Variants in GAB2 observed in about 807,000 individuals in gnomAD.
The protein encoded by GAB2 is GRB2-associated-binding protein 2.
A neutral mutation model predicts 65.5 loss-of-function variants in GAB2; 26 were observed. That is an observed-to-expected ratio of 0.40 (90% confidence interval 0.29 to 0.55). GAB2 has a LOEUF of 0.55. Ranked by LOEUF, GAB2 falls within the 20% of genes least tolerant of loss-of-function variation. The pLI is 0.53. For missense variants in GAB2, 884 were observed against 875.8 expected, an observed-to-expected ratio of 1.01 and a Z score of -0.12; for synonymous variants, 321 against 329.6, an observed-to-expected ratio of 0.97 and a Z score of 0.28.
chr11:78,407,684 A>G (rs1324392355), intron 1 of GAB2, among the ~76,000 whole-genome samples: 1 of 150,828 alleles, frequency 6.6e-6, no homozygotes, highest in African/African-American at 2.5e-5. Context: ...AAAGAAAGAA[A>G]GAAAGAAAGA....
intron 1 of GAB2, among the ~76,000 whole-genome samples, chr11:78,338,543 A>G (rs2134687899): frequency 6.6e-6 from 1 of 152,350 alleles, no homozygotes; most frequent in East Asian, 1.9e-4. Context: ...TCTTACATAA[A>G]CTGAAAATAT....
In GAB2 at chr11:78,225,111, G is replaced by T. The variant is rs1400340535; in HGVS notation, c.1299C>A (p.Phe433Leu). ...CCTTGGGTTAACCCACACTCACCAG[G>T]AAAGAGCCAACTCCATCACTCATGG... ...AESMSDGVGS[F>L]LPGKMIVGRS... The change falls in exon 5 of 10, where the codon TTC (phenylalanine) becomes TTA (leucine). Residue 433 changes from phenylalanine (F) to leucine (L), a missense_variant. Phe to Leu is a conservative substitution (Grantham distance 22). Coordinates refer to ENST00000361507, the MANE Select transcript of GAB2 (RefSeq NM_080491.3). 4.4e-6 allele frequency: 7 copies of T among 1,608,254 alleles called. No homozygotes were observed. The highest frequency in any genetic ancestry group is 4.3e-6 in the Non-Finnish European group (5 of 1,174,790).
In GAB2 at chr11:78,218,516, C is replaced by T. The variant is rs146957453; in HGVS notation, c.*756G>A. On this transcript the variant is annotated 3_prime_UTR_variant, in exon 10 of 10. Transcript: ENST00000361507. ...CAGTGTCCTTGTCATCTCCACCACC[C>T]GAGCTCCAAGCCCTGCTCCTTGCTG... The T allele has an allele frequency of 3.7e-3, 569 of 153,008 alleles. 2 individuals carry two copies. The highest frequency in any genetic ancestry group is 5.8e-3 in the Non-Finnish European group (400 of 68,572). The allele number at this position is 153,008 out of a possible 1,614,324, so 9.5% of individuals were successfully genotyped here. A position where few individuals can be genotyped will look rare whatever the true frequency, so the allele number is the denominator to read the frequency against.
At chr11:78,270,702 T>C (rs981100069) in intron 2 of GAB2, among the ~76,000 whole-genome samples, 1 of 152,230 alleles carries the variant, frequency 6.6e-6, no homozygotes, top group African/African-American at 2.4e-5. Context: ...AATATTTAAA[T>C]TATATTCTGT....
In GAB2 at chr11:78,217,588, T is replaced by C. The variant is rs2848980; in HGVS notation, c.*1684A>G. ...GTTCGCCCCAGGGTAGAATGAAACG[T>C]CTGGTCTGTCCTGTTGCTTCTGAAA... is the stretch of plus-strand genomic sequence containing the variant. On this transcript the variant is annotated 3_prime_UTR_variant, in exon 10 of 10. Transcript: ENST00000361507. 6.6e-6 allele frequency: 1 copy of C among 152,206 alleles called. No homozygotes were observed. The highest frequency in any genetic ancestry group is 1.9e-4 in the East Asian group (1 of 5,196). The allele number at this position is 152,206 out of a possible 1,614,324, so 9.4% of individuals were successfully genotyped here. A position where few individuals can be genotyped will look rare whatever the true frequency, so the allele number is the denominator to read the frequency against.
rs1176311130 is a variant in GAB2, at chr11:78,375,722, C to T, written c.75+41924G>A. The stretch of plus-strand genomic sequence containing the variant: ...TCAAAATTTATAAAGCTTACATAGT[C>T]AGTGATATAGCCTTCCATTTTCCCT... On this transcript the variant is annotated intron_variant, in intron 1 of 9. Coordinates refer to ENST00000361507, the MANE Select transcript of GAB2 (RefSeq NM_080491.3). Among the ~76,000 whole-genome samples the T allele has an allele frequency of 2.0e-5, 3 of 152,160 alleles. No homozygotes were observed. The East Asian group carries it at 5.8e-4, about 29-fold the overall frequency.
intron 1 of GAB2, among the ~76,000 whole-genome samples, chr11:78,321,335 G>A (rs1053024021): frequency 1.3e-5 from 2 of 152,158 alleles, no homozygotes; most frequent in African/African-American, 4.8e-5. Flanking sequence ...GAAATGACCC[G>A]TATGTATGGT....
chr11:78,328,354 C>T (rs1855860507), intron 1 of GAB2, among the ~76,000 whole-genome samples: 1 of 152,180 alleles, frequency 6.6e-6, no homozygotes, highest in African/African-American at 2.4e-5. Flanking sequence ...TTAAAAAAGA[C>T]ATTATGTGTA....
rs780473028 is a variant in GAB2, at chr11:78,263,360, G to A, written c.377-12960C>T. ...TAAAGATTCAAGAGTCTGGCCGGGC[G>A]CAGTCACTCACACCTGTAATCCCAG... On this transcript the variant is annotated intron_variant, in intron 2 of 9. Coordinates refer to ENST00000361507, the MANE Select transcript of GAB2 (RefSeq NM_080491.3). Among the ~76,000 whole-genome samples, 12 of 146,426 alleles carry A rather than the reference G, an allele frequency of 8.2e-5. 1 individual carries two copies. The highest frequency in any genetic ancestry group is 3.6e-3 in the Middle Eastern group (1 of 276).
At chr11:78,398,636 TA>T (rs1054135536) in intron 1 of GAB2, among the ~76,000 whole-genome samples, 5 of 151,956 alleles carry the variant, frequency 3.3e-5, no homozygotes, top group African/African-American at 4.8e-5. Flanking sequence ...AATGTTATAA[TA>T]AAAAAAATAA....
At chr11:78,254,637 A>C (rs1226851380) in intron 2 of GAB2, among the ~76,000 whole-genome samples, 3 of 152,024 alleles carry the variant, frequency 2.0e-5, no homozygotes, top group African/African-American at 4.8e-5. Context: ...CGTCTCTATC[A>C]AAAATTAAAA....
chr11:78,407,720 CA>C (rs1445000949), intron 1 of GAB2, among the ~76,000 whole-genome samples: 1 of 81,494 alleles, frequency 1.2e-5, no homozygotes, highest in Non-Finnish European at 2.5e-5. Flanking sequence ...TTTTCCGTCC[CA>C]AAAAGAAAGA....
At chr11:78,249,273 A>G (rs1319890432) in intron 3 of GAB2, among the ~76,000 whole-genome samples, 1 of 152,236 alleles carries the variant, frequency 6.6e-6, no homozygotes, top group Non-Finnish European at 1.5e-5. Context: ...GAGATTATGT[A>G]TGAAAATATT....
At chr11:78,254,521 T>C (rs535801599) in intron 2 of GAB2, among the ~76,000 whole-genome samples, 18 of 152,302 alleles carry the variant, frequency 1.2e-4, no homozygotes, top group Non-Finnish European at 2.6e-4. Context: ...ATAGCTTAGC[T>C]GGGTGCAATA....
chr11:78,261,413 A>G (rs1865728764), intron 2 of GAB2, among the ~76,000 whole-genome samples: 1 of 152,190 alleles, frequency 6.6e-6, no homozygotes, highest in Non-Finnish European at 1.5e-5. Flanking sequence ...ATGAGATCCA[A>G]ATGTAAACAG....
rs371586134 is a variant in GAB2, at chr11:78,223,672, C to G, written c.1307G>C (p.Gly436Ala). 2.4e-5 allele frequency: 38 copies of G among 1,597,628 alleles called. No homozygotes were observed. Among genetic ancestry groups the G allele is most frequent in the Non-Finnish European group, 3.1e-5 (36 of 1,170,890 alleles). ...MSDGVGSFLP[G>A]KMIVGRSDST... ...GTCCGATCGGCCCACAATCATTTTC[C>G]CTGGCTAGGGAGAGGAACAGTGAAA... The change falls in exon 6 of 10, where the codon GGG becomes GCG. Residue 436 changes from glycine to alanine, a missense_variant. By Grantham distance (60) the Gly-to-Ala change is moderately conservative (BLOSUM62 0). Transcript: ENST00000361507.
At chr11:78,358,187 T>C (rs1239443322) in intron 1 of GAB2, among the ~76,000 whole-genome samples, 11 of 150,396 alleles carry the variant, frequency 7.3e-5, no homozygotes. Context: ...CAGTCAACTA[T>C]TGCAGGGACA....
At chr11:78,348,032 T>C (rs141574550) in intron 1 of GAB2, among the ~76,000 whole-genome samples, 2 of 152,322 alleles carry the variant, frequency 1.3e-5, no homozygotes, top group East Asian at 3.9e-4. Flanking sequence ...ATAAGGAAGA[T>C]TAAAATGTAT....
At chr11:78,416,082 T>C (rs1857192248) in intron 1 of GAB2, among the ~76,000 whole-genome samples, 1 of 152,154 alleles carries the variant, frequency 6.6e-6, no homozygotes, top group Admixed American at 6.5e-5. Flanking sequence ...CACTGCTCCT[T>C]AATCCTAATT....
Sources: gnomAD v4.1 joint callset for allele counts (sites outside exome capture counted in the v4.1 genomes callset) on GRCh38, gnomAD v4.1.1 for gene constraint, MANE v1.5 for transcripts, NCBI Gene and HGNC (gene_info 2026-07-23, HGNC 2026-07-21) for gene names.